MYO16: variants seen among roughly 807,000 people sequenced by gnomAD.
MYO16 encodes unconventional myosin-XVI.
A neutral mutation model predicts 205.3 loss-of-function variants in MYO16; 94 were observed. That is an observed-to-expected ratio of 0.46 (90% CI 0.39 to 0.54). The LOEUF (loss-of-function observed/expected upper bound fraction) is 0.54, where lower values mean the gene tolerates loss of function less well. MYO16 is among the 20% of genes least tolerant of loss of function. The pLI is 0.00. For synonymous variants in MYO16, 988 were observed against 954.0 expected (o/e 1.04, Z -0.66); for missense variants, 2,315 against 2,387.5 (o/e 0.97, Z 0.63).
chr13:108,947,198 A>C (rs890833889), intron 16 of MYO16, among the ~76,000 whole-genome samples: 1 of 152,330 alleles, frequency 6.6e-6, no homozygotes, highest in South Asian at 2.1e-4. Flanking sequence ...TATTTAAGAC[A>C]CAGGGTTGGG....
At chr13:108,998,148 A>T (rs796799706) in intron 21 of MYO16, among the ~76,000 whole-genome samples, 14 of 152,160 alleles carry the variant, frequency 9.2e-5, no homozygotes, top group African/African-American at 3.1e-4. Flanking sequence ...ATAGAAAGAA[A>T]AATGGAATAG....
chr13:109,078,361 C>T (rs1378975945), intron 27 of MYO16, among the ~76,000 whole-genome samples: 2 of 151,954 alleles, frequency 1.3e-5, no homozygotes, highest in African/African-American at 4.8e-5. Context: ...ATGGCTTGAA[C>T]CCAGGAGGTA....
At chr13:108,948,531 G>T (rs1883022815) in intron 16 of MYO16, among the ~76,000 whole-genome samples, 1 of 152,238 alleles carries the variant, frequency 6.6e-6, no homozygotes, top group Non-Finnish European at 1.5e-5. Flanking sequence ...GGCCACACCT[G>T]CACCCTGGAG....
intron 27 of MYO16, among the ~76,000 whole-genome samples, chr13:109,067,787 G>A (rs913180264): frequency 3.3e-5 from 5 of 152,106 alleles, no homozygotes; most frequent in African/African-American, 4.8e-5. Context: ...CGTTCGTGGC[G>A]TAAGGCAGCT....
chr13:109,024,141 T>C (rs1310864294), intron 23 of MYO16, among the ~76,000 whole-genome samples: 3 of 150,666 alleles, frequency 2.0e-5, no homozygotes, highest in Non-Finnish European at 4.4e-5. Flanking sequence ...ATTCATGTTC[T>C]TTGAATTTGA....
At chr13:109,030,266 C>G (rs1437072917) in intron 23 of MYO16, among the ~76,000 whole-genome samples, 1 of 151,846 alleles carries the variant, frequency 6.6e-6, no homozygotes, top group Non-Finnish European at 1.5e-5. Flanking sequence ...ATCAGTTTAC[C>G]ACTACAGAAG....
intron 23 of MYO16, among the ~76,000 whole-genome samples, chr13:109,041,863 T>C (rs1345326339): frequency 0.089 from 64 of 720 alleles, 3 homozygotes; most frequent in Non-Finnish European, 0.016. Context: ...CAAATTGCCT[T>C]TTTTTTTTTT....
rs1244314191 is a variant in MYO16, at chr13:108,665,930, A to G, written c.73A>G (p.Ile25Val). 5 of 1,614,100 alleles carry G rather than the reference A, an allele frequency of 3.1e-6. No individual in the cohort carries two copies. The change falls in exon 2 of 35, where the codon ATC becomes GTC. Residue 25 changes from isoleucine (I) to valine (V), a missense_variant. Transcript: ENST00000457511. The stretch of plus-strand genomic sequence containing the variant: ...CGTTTTTCGATCCCATGAGATGGAA[A>G]TCGACCAGTGCTTGCTAGAGTCCCT... Reference protein sequence around the residue: ...CNVFRSHEMEIDQCLLESLPL... With the variant: ...CNVFRSHEMEVDQCLLESLPL...
Position 108,918,119 on chromosome 13 carries a change from T to G in MYO16, c.1925+7969T>G, listed in dbSNP as rs1881580162. On this transcript the variant is annotated intron_variant, in intron 16 of 34. Coordinates refer to ENST00000457511, the MANE Select transcript of MYO16 (RefSeq NM_001198950.3). ...AATTTGCATCACAGATAAATTTAAC[T>G]GCCTCTGCTTCAGCAAGAGAACTAT... Among the ~76,000 whole-genome samples the G allele has an allele frequency of 2.0e-5, 3 of 152,250 alleles. No homozygotes were observed. In the South Asian group the frequency reaches 6.2e-4, roughly 31 times the overall value.
At chr13:109,108,393 C>T (rs1048006313) in intron 28 of MYO16, among the ~76,000 whole-genome samples, 2 of 152,196 alleles carry the variant, frequency 1.3e-5, no homozygotes, top group African/African-American at 4.8e-5. Context: ...TTTTTTCACT[C>T]AGCTTCATTA....
At chr13:108,586,886 C>T in the MYO16 span, among the ~76,000 whole-genome samples, 5 of 152,162 alleles carry the variant, frequency 3.3e-5, no homozygotes, top group Non-Finnish European at 4.4e-5. Flanking sequence ...TTCTGAAAAG[C>T]GCCTATTTTC....
intron 34 of MYO16, among the ~76,000 whole-genome samples, chr13:109,196,143 T>C (rs553623649): frequency 6.6e-6 from 1 of 152,196 alleles, no homozygotes; most frequent in African/African-American, 2.4e-5. Flanking sequence ...CATCTTCTTA[T>C]CTAATTGATG....
At chr13:109,103,301 T>C (rs1184668926) in intron 28 of MYO16, among the ~76,000 whole-genome samples, 1 of 152,172 alleles carries the variant, frequency 6.6e-6, no homozygotes, top group Non-Finnish European at 1.5e-5. Context: ...AGGGATTCAA[T>C]CAGAAGCTGT....
intron 4 of MYO16, among the ~76,000 whole-genome samples, chr13:108,765,095 C>T (rs1489802154): frequency 6.6e-6 from 1 of 152,142 alleles, no homozygotes; most frequent in Non-Finnish European, 1.5e-5. Context: ...TCTCTCTCCA[C>T]TCTCCCTCTT....
In MYO16 at chr13:108,895,208, A is replaced by AG. The variant is rs1566397014; in HGVS notation, c.1660-2808_1660-2807insG. Among the ~76,000 whole-genome samples the AG allele has an allele frequency of 3.4e-3, 483 of 143,682 alleles. 4 individuals carry two copies. Among genetic ancestry groups the AG allele is most frequent in the African/African-American group, 0.011 (446 of 40,564 alleles). 94.3% of individuals were successfully genotyped at this position (143,682 alleles called of 152,430 possible). On this transcript the variant is annotated intron_variant, in intron 14 of 34. Coordinates refer to ENST00000457511, the MANE Select transcript of MYO16 (RefSeq NM_001198950.3). ...AGAAAAAATACCATACATTATAAAT[A>AG]CAAAAAAAAAGTCAATAAAATTTGA...
intron 33 of MYO16, among the ~76,000 whole-genome samples, chr13:109,166,080 C>T (rs988437630): frequency 6.6e-6 from 1 of 152,076 alleles, no homozygotes; most frequent in Non-Finnish European, 1.5e-5. Context: ...TAGAAATAAC[C>T]AGGCATAGGA....
chr13:109,177,100 C>T (rs960179460), intron 33 of MYO16, among the ~76,000 whole-genome samples: 8 of 152,164 alleles, frequency 5.3e-5, no homozygotes, highest in Non-Finnish European at 1.0e-4. Flanking sequence ...ATGTCCTTCT[C>T]GACTTTGTTC....
chr13:108,505,387 T>A, the MYO16 span, among the ~76,000 whole-genome samples: 2 of 152,242 alleles, frequency 1.3e-5, no homozygotes, highest in South Asian at 4.1e-4. Context: ...TAAGGTCATA[T>A]GTCATTGTGG....
intron 19 of MYO16, among the ~76,000 whole-genome samples, chr13:108,963,140 A>G (rs1356309476): frequency 3.3e-5 from 5 of 152,356 alleles, no homozygotes; most frequent in Non-Finnish European, 5.9e-5. Context: ...GTTTTCCCAC[A>G]TGATCTTCAA....
Sources: gnomAD v4.1 joint callset for allele counts (sites outside exome capture counted in the v4.1 genomes callset) on GRCh38, gnomAD v4.1.1 for gene constraint, MANE v1.5 for transcripts, NCBI Gene and HGNC (gene_info 2026-07-23, HGNC 2026-07-21) for gene names.